The following FRA10AC1 variants were observed in gnomAD, a reference collection of about 807,000 sequenced individuals.
FRA10AC1 encodes the protein protein FRA10AC1.
In FRA10AC1, 43 loss-of-function variants were observed where a neutral mutation model predicts 56.5. That is an observed-to-expected ratio of 0.76 (90% CI 0.60 to 0.98). FRA10AC1 has a LOEUF of 0.98. Among genes scored for constraint, FRA10AC1 ranks in the 50% least tolerant of loss-of-function variants. The pLI, the probability that FRA10AC1 is intolerant of heterozygous loss-of-function variation, is 0.00. For synonymous variants in FRA10AC1, 112 were observed against 110.5 expected (o/e 1.01, Z -0.09); for missense variants, 346 against 351.8 (o/e 0.98, Z 0.13).
chr10:93,689,185 C>T (rs1176124647), intron 7 of FRA10AC1, among the ~76,000 whole-genome samples: 1 of 151,126 alleles, frequency 6.6e-6, no homozygotes, highest in Non-Finnish European at 1.5e-5. Context: ...GTTTTGAACT[C>T]CTGGCCTCAA....
At position 93,700,054 on chromosome 10, in the gene FRA10AC1, C is replaced by T; in HGVS notation, c.53G>A (p.Gly18Glu). 6.3e-7 allele frequency: 1 copy of T among 1,598,722 alleles called. No homozygotes were observed. The highest frequency in any genetic ancestry group is 1.7e-5 in the Admixed American group (1 of 59,326). The change falls in exon 2 of 14, where the codon GGA becomes GAA. Residue 18 changes from glycine to glutamate, a missense_variant. Gly to Glu is a moderately conservative substitution (Grantham distance 98). Transcript: ENST00000359204. ...DSDFSDDERC[G>E]ESSKRKKRTV... ...CCTTTTTTTCCTTTTGCTGGATTCT[C>T]CACAGCGTTCATCATCACTAAAATC...
chr10:93,694,765 A>G, intron 5 of FRA10AC1, 96 bp downstream of exon 5: 1 of 580,296 alleles, frequency 1.7e-6, no homozygotes. Flanking sequence ...AATAGAAAGC[A>G]GGGAAGAATG....
intron 7 of FRA10AC1, among the ~76,000 whole-genome samples, chr10:93,690,326 T>C (rs2133926071): frequency 6.6e-6 from 1 of 152,318 alleles, no homozygotes; most frequent in South Asian, 2.1e-4. Flanking sequence ...TCTTGCTGCA[T>C]TTACTCTCAT....
chr10:93,698,439 G>T, intron 2 of FRA10AC1, 43 bp from the exon 3 acceptor site: 3 of 1,130,768 alleles, frequency 2.7e-6, no homozygotes, highest in South Asian at 1.4e-5. Context: ...TTTTTCAAAG[G>T]TTATTTTCTA....
chr10:93,681,081 A>G (rs1218655251), intron 11 of FRA10AC1, among the ~76,000 whole-genome samples: 1 of 152,174 alleles, frequency 6.6e-6, no homozygotes, highest in African/African-American at 2.4e-5. Context: ...GCACTGATCA[A>G]AGTCCCTTTC....
intron 10 of FRA10AC1, among the ~76,000 whole-genome samples, 189 bp from the exon 11 acceptor site, chr10:93,681,787 G>A (rs2058939969): frequency 6.6e-6 from 1 of 151,948 alleles, no homozygotes; most frequent in Non-Finnish European, 1.5e-5. Flanking sequence ...CATTCTATAA[G>A]ATAATGAAGT....
chr10:93,687,586 G>T, intron 7 of FRA10AC1, 137 bp from the exon 8 acceptor site: 2 of 822,328 alleles, frequency 2.4e-6, no homozygotes, highest in Non-Finnish European at 3.6e-6. Flanking sequence ...TCTTCTTATA[G>T]GATTTGAAGA....
chr10:93,674,829 A>G (rs945667077), intron 12 of FRA10AC1: 61 of 152,304 alleles, frequency 4.0e-4, no homozygotes, highest in African/African-American at 1.3e-3. Context: ...GAAAAAGGGG[A>G]ATTTTTTCTA....
intron 11 of FRA10AC1, among the ~76,000 whole-genome samples, chr10:93,679,022 C>T (rs1399625170): frequency 6.6e-6 from 1 of 152,096 alleles, no homozygotes; most frequent in East Asian, 1.9e-4. Flanking sequence ...AATGATAAAG[C>T]TAATTCTAGA....
intron 4 of FRA10AC1, among the ~76,000 whole-genome samples, chr10:93,695,187 A>G (rs2059211024): frequency 6.6e-6 from 1 of 152,092 alleles, no homozygotes; most frequent in Admixed American, 6.6e-5. Context: ...TGATAAAAAT[A>G]TACCTCCATC....
intron 5 of FRA10AC1, among the ~76,000 whole-genome samples, chr10:93,693,537 T>TACACC (rs1466935194): frequency 2.7e-4 from 29 of 107,242 alleles, no homozygotes; most frequent in African/African-American, 7.5e-4. Flanking sequence ...ACACCATATA[T>TACACC]ATATATATAT....
In FRA10AC1 at chr10:93,680,693, C is replaced by T. The variant is rs928517205; in HGVS notation, c.787+787G>A. Among the ~76,000 whole-genome samples, 6 of 152,198 alleles carry T rather than the reference C, an allele frequency of 3.9e-5. No individual in the cohort carries two copies. In the East Asian group the frequency reaches 7.7e-4, roughly 19 times the overall value. ...GATTAGTCTGATTCACTATAAATTA[C>T]AGCCGATTGACTCTACTTTATTATG... On this transcript the variant is annotated intron_variant, in intron 11 of 13. Coordinates refer to ENST00000359204, the MANE Select transcript of FRA10AC1 (RefSeq NM_145246.5).
At chr10:93,675,826 G>C (rs186885626) in intron 12 of FRA10AC1, 280 of 158,868 alleles carry the variant, frequency 1.8e-3, no homozygotes, top group African/African-American at 6.3e-3. Context: ...CTTATTATTA[G>C]GCCTTGAGCC....
chr10:93,692,940 G>C (rs922683025), intron 5 of FRA10AC1, among the ~76,000 whole-genome samples: 1 of 152,072 alleles, frequency 6.6e-6, no homozygotes, highest in Non-Finnish European at 1.5e-5. Context: ...AAGTTAAATG[G>C]ATAAGGAATC....
intron 8 of FRA10AC1, 181 bp from the exon 9 acceptor site, chr10:93,685,540 AC>A (rs905113261): frequency 3.9e-5 from 16 of 406,358 alleles, no homozygotes; most frequent in Non-Finnish European, 4.3e-5. Context: ...AAGTACTGTT[AC>A]CAAAAAAAAT....
intron 12 of FRA10AC1, chr10:93,673,637 C>T (rs1351060521): frequency 1.7e-5 from 6 of 353,394 alleles, no homozygotes; most frequent in Non-Finnish European, 3.3e-5. Flanking sequence ...ATAGACTTAA[C>T]TTTTGATTTC....
chr10:93,685,788 T>G (rs1044928609), intron 8 of FRA10AC1, among the ~76,000 whole-genome samples: 2 of 151,894 alleles, frequency 1.3e-5, no homozygotes, highest in Admixed American at 1.3e-4. Flanking sequence ...GGGTGAAACC[T>G]TTCAATATTT....
intron 2 of FRA10AC1, among the ~76,000 whole-genome samples, chr10:93,699,283 A>C (rs1014190033): frequency 6.6e-6 from 1 of 152,182 alleles, no homozygotes; most frequent in Admixed American, 6.5e-5. Context: ...TCCTATAAAA[A>C]TGTTCAGAAC....
chr10:93,671,687 C>T (rs977034073), intron 12 of FRA10AC1: 26 of 199,238 alleles, frequency 1.3e-4, no homozygotes, highest in African/African-American at 4.6e-4. Flanking sequence ...CATTCTATAT[C>T]AAATTTTTAA....
Sources: gnomAD v4.1 joint callset for allele counts (sites outside exome capture counted in the v4.1 genomes callset) on GRCh38, gnomAD v4.1.1 for gene constraint, MANE v1.5 for transcripts, NCBI Gene and HGNC (gene_info 2026-07-23, HGNC 2026-07-21) for gene names.